OR7E24: variants seen among roughly 807,000 people sequenced by gnomAD.
OR7E24 encodes the protein olfactory receptor 7E24.
For missense variants in OR7E24, 385 were observed against 410.3 expected (o/e 0.94, Z 0.53); for synonymous variants, 130 against 157.5 (o/e 0.83, Z 1.31).
the OR7E24 span, among the ~76,000 whole-genome samples, chr19:9,216,657 T>C: frequency 3.9e-5 from 6 of 152,070 alleles, no homozygotes; most frequent in African/African-American, 7.2e-5. Flanking sequence ...AGTGGTGCAA[T>C]GTTGGCTCAC....
At chr19:9,235,664 T>G in the OR7E24 span, 1 of 1,594,434 alleles carries the variant, frequency 6.3e-7, no homozygotes, top group Non-Finnish European at 8.6e-7. Context: ...GGCACTGAGA[T>G]TCCGCATTTC....
chr19:9,237,648 C>T, the OR7E24 span, among the ~76,000 whole-genome samples: 2 of 152,244 alleles, frequency 1.3e-5, no homozygotes, highest in African/African-American at 2.4e-5. Flanking sequence ...TAATTTCCTT[C>T]GTTCCTTTTT....
In OR7E24 at chr19:9,251,532, CTTG is replaced by C. The variant is rs780202909; in HGVS notation, c.494_496del (p.Leu165del). ...ACCCACGCCTCTGTGGCTTCTTAATCTTGTTGTCTTTTTTTATTAGTCTTTTGG... is the reference window on the plus strand; with the variant it reads ...ACCCACGCCTCTGTGGCTTCTTAATCTTGTCTTTTTTTATTAGTCTTTTGG... On this transcript the variant is annotated inframe_deletion, in exon 1 of 1. Coordinates refer to ENST00000456448, the MANE Select transcript of OR7E24 (RefSeq NM_001079935.2). 5 of 1,613,956 alleles carry C rather than the reference CTTG, an allele frequency of 3.1e-6. No individual in the cohort carries two copies. The highest frequency in any genetic ancestry group is 1.3e-5 in the African/African-American group (1 of 74,906).
the OR7E24 span, chr19:9,214,185 T>C: frequency 6.2e-7 from 1 of 1,613,918 alleles, no homozygotes; most frequent in Non-Finnish European, 8.5e-7. Context: ...AATCTGAGAG[T>C]AGGAGAAGAG....
chr19:9,214,599 T>A, the OR7E24 span: 1 of 1,613,996 alleles, frequency 6.2e-7, no homozygotes, highest in African/African-American at 1.3e-5. Context: ...CACTAGCATC[T>A]TGGGGACTGT....
At chr19:9,228,935 A>T in the OR7E24 span, among the ~76,000 whole-genome samples, 2 of 152,248 alleles carry the variant, frequency 1.3e-5, no homozygotes, top group African/African-American at 4.8e-5. Flanking sequence ...ACATTAAAAT[A>T]TTAAAGCCAG....
At chr19:9,222,847 G>A in the OR7E24 span, among the ~76,000 whole-genome samples, 1 of 152,114 alleles carries the variant, frequency 6.6e-6, no homozygotes. Flanking sequence ...TTGAGTAGAA[G>A]TGGTGAGAAC....
At chr19:9,230,445 C>G in the OR7E24 span, among the ~76,000 whole-genome samples, 4 of 152,170 alleles carry the variant, frequency 2.6e-5, no homozygotes, top group African/African-American at 4.8e-5. Context: ...GCTGAAGCCT[C>G]TTTCCGGGAA....
At chr19:9,214,637 G>T in the OR7E24 span, 2 of 1,614,148 alleles carry the variant, frequency 1.2e-6, no homozygotes, top group Middle Eastern at 1.6e-4. Context: ...TGTCAACAAA[G>T]GACAGGTTGG....
the OR7E24 span, among the ~76,000 whole-genome samples, chr19:9,232,683 A>ACTTC: frequency 6.4e-4 from 97 of 152,224 alleles, no homozygotes; most frequent in African/African-American, 2.3e-3. Flanking sequence ...ATGGAACTGG[A>ACTTC]AGACCCACTC....
the OR7E24 span, among the ~76,000 whole-genome samples, chr19:9,233,133 T>C: frequency 1.3e-5 from 2 of 152,310 alleles, no homozygotes; most frequent in South Asian, 2.1e-4. Context: ...TTTTGAATCA[T>C]GACCCAATCT....
the OR7E24 span, among the ~76,000 whole-genome samples, chr19:9,238,594 T>TCCTGGCAAC: frequency 1.3e-4 from 20 of 152,232 alleles, no homozygotes; most frequent in Admixed American, 1.3e-3. Flanking sequence ...TTATTAACTA[T>TCCTGGCAAC]ATTCATCATA....
At chr19:9,245,465 G>C (rs1234002209), upstream of OR7E24, among the ~76,000 whole-genome samples, 6 of 152,096 alleles carry the variant, frequency 3.9e-5, no homozygotes, top group African/African-American at 7.2e-5. Context: ...AATGTAAAAT[G>C]GTGCAGCAGT....
At chr19:9,249,848 G>A (rs539183931), upstream of OR7E24, among the ~76,000 whole-genome samples, 26 of 152,116 alleles carry the variant, frequency 1.7e-4, no homozygotes, top group Non-Finnish European at 2.2e-4. Flanking sequence ...CCAGCTACTC[G>A]GGAAGCTGAG....
At chr19:9,247,479 C>T, upstream of OR7E24, 1 of 398,752 alleles carries the variant, frequency 2.5e-6, no homozygotes, top group Non-Finnish European at 4.4e-6. Flanking sequence ...CGGACCTACT[C>T]TCCATGGTCA....
chr19:9,234,192 G>T, the OR7E24 span, among the ~76,000 whole-genome samples: 1 of 152,160 alleles, frequency 6.6e-6, no homozygotes, highest in Non-Finnish European at 1.5e-5. Context: ...GTGAGCCACT[G>T]TGCCTGGCCA....
the OR7E24 span, among the ~76,000 whole-genome samples, chr19:9,237,797 G>T: frequency 4.6e-5 from 7 of 152,098 alleles, no homozygotes; most frequent in Admixed American, 4.6e-4. Context: ...TTGTTTGTTT[G>T]GTTCTTAGTT....
the OR7E24 span, among the ~76,000 whole-genome samples, chr19:9,221,034 G>A: frequency 2.0e-5 from 3 of 151,982 alleles, no homozygotes; most frequent in African/African-American, 7.2e-5. Flanking sequence ...CAGCACTTTG[G>A]GAGGCCTAGA....
At chr19:9,227,251 T>C in the OR7E24 span, among the ~76,000 whole-genome samples, 668 of 146,022 alleles carry the variant, frequency 4.6e-3, 20 homozygotes, top group Admixed American at 0.038. Flanking sequence ...TTTTTTTTTT[T>C]CCAGAGTCCT....
Sources: gnomAD v4.1 joint callset for allele counts (sites outside exome capture counted in the v4.1 genomes callset) on GRCh38, gnomAD v4.1.1 for gene constraint, MANE v1.5 for transcripts, NCBI Gene and HGNC (gene_info 2026-07-23, HGNC 2026-07-21) for gene names.